Variants in BICC1 observed in about 807,000 individuals in gnomAD.
The protein encoded by BICC1 is BicC family RNA binding protein 1.
A neutral mutation model predicts 111.0 loss-of-function variants in BICC1; 43 were observed. That is an observed-to-expected ratio of 0.39 (90% CI 0.30 to 0.50). BICC1 has a LOEUF of 0.50. BICC1 is among the 20% of genes least tolerant of loss of function. BICC1 has a pLI of 0.88. For missense variants in BICC1, 1,091 were observed against 1,203.2 expected (o/e 0.91, Z 1.38); for synonymous variants, 467 against 434.4 (o/e 1.07, Z -0.93).
intron 1 of BICC1, among the ~76,000 whole-genome samples, chr10:58,573,000 T>C (rs888800023): frequency 2.6e-5 from 4 of 152,140 alleles, no homozygotes; most frequent in Non-Finnish European, 5.9e-5. Flanking sequence ...AAAGCCAAAG[T>C]AGATAATTCA....
rs115089520 is a variant in BICC1 at position 58,809,308 on chromosome 10, A to G, written c.2376+2150A>G. On this transcript the variant is annotated intron_variant, in intron 17 of 20. Transcript: ENST00000373886. ...GCCTCGGTGTCCCAGTGTTGGGATT[A>G]CAGGTGTGAGGTTCTTTTAAGTTTT... is the stretch of plus-strand genomic sequence containing the variant. 6.2e-3 allele frequency among the ~76,000 whole-genome samples: 936 copies of G among 152,134 alleles called. 9 individuals are homozygous for G. Among genetic ancestry groups the G allele is most frequent in the African/African-American group, 0.019 (782 of 41,484 alleles).
intron 1 of BICC1, among the ~76,000 whole-genome samples, chr10:58,591,268 G>C (rs932407599): frequency 6.6e-6 from 1 of 152,068 alleles, no homozygotes; most frequent in Non-Finnish European, 1.5e-5. Flanking sequence ...CACTTTCTTT[G>C]GTCAAGACGG....
Position 58,820,604 on chromosome 10 carries a change from T to A in BICC1, c.2794+136T>A, listed in dbSNP as rs551611410. 2.3e-3 allele frequency: 1,391 copies of A among 615,986 alleles called. 35 individuals are homozygous for A. In the South Asian group the frequency reaches 0.024, roughly 11 times the overall value. 38.2% of individuals were successfully genotyped at this position (615,986 alleles called of 1,614,324 possible). ...TGGTTGTGGTTTCAGAGGGTTTTCC[T>A]GTCAACAGTGTGACAGATCCTGAGA... On this transcript the variant is annotated intron_variant, in intron 20 of 20. Coordinates refer to ENST00000373886, the MANE Select transcript of BICC1 (RefSeq NM_001080512.3).
chr10:58,580,185 G>A (rs1244928930), intron 1 of BICC1, among the ~76,000 whole-genome samples: 5 of 151,822 alleles, frequency 3.3e-5, no homozygotes, highest in African/African-American at 4.8e-5. Flanking sequence ...CATCACACCC[G>A]GCTAATTTTT....
intron 1 of BICC1, among the ~76,000 whole-genome samples, chr10:58,608,018 A>G (rs2132095892): frequency 6.6e-6 from 1 of 152,144 alleles, no homozygotes; most frequent in East Asian, 1.9e-4. Context: ...TAGTGTAGAT[A>G]TGTACTATTT....
chr10:58,674,540 C>A (rs1226247087), intron 2 of BICC1, among the ~76,000 whole-genome samples: 1 of 152,162 alleles, frequency 6.6e-6, no homozygotes, highest in Non-Finnish European at 1.5e-5. Context: ...TTCTAGACAT[C>A]TGAGTCAGGC....
chr10:58,798,446 A>C lies in BICC1; in HGVS notation c.1414A>C (p.Asn472His), dbSNP rs145626204. The C allele has an allele frequency of 3.7e-6, 6 of 1,612,500 alleles. No individual in the cohort carries two copies. Among genetic ancestry groups the C allele is most frequent in the Non-Finnish European group, 5.1e-6 (6 of 1,179,314 alleles). ...TLSLNTSTTP[N>H]SLLNALNSSV... is the part of the protein sequence containing the mutation. ...ATCTCTGAACACTTCAACAACCCCA[A>C]ACTCACTCTTGAATGCTCTTAATAG... The change falls in exon 11 of 21, where the codon AAC (asparagine) becomes CAC (histidine). Residue 472 changes from asparagine (N) to histidine (H), a missense_variant. This residue lies in a region of BICC1 where 843 missense variants were observed against 900.8 expected (regional missense o/e 0.94). Transcript: ENST00000373886.
At chr10:58,644,752 C>T (rs1564528422) in intron 2 of BICC1, among the ~76,000 whole-genome samples, 1 of 152,106 alleles carries the variant, frequency 6.6e-6, no homozygotes, top group African/African-American at 2.4e-5. Context: ...AAAAAAATAA[C>T]CTTTCATGTA....
chr10:58,650,100 G>C (rs1254379308), intron 2 of BICC1: 2 of 152,028 alleles, frequency 1.3e-5, no homozygotes, highest in Admixed American at 6.6e-5. Flanking sequence ...TTACATTAAC[G>C]ATGCTAGTCA....
Position 58,793,617 on chromosome 10 carries a change from T to C in BICC1, c.1179+2T>C. 1 of 1,613,660 alleles carries C rather than the reference T, an allele frequency of 6.2e-7. No homozygotes were observed. Among genetic ancestry groups the C allele is most frequent in the Non-Finnish European group, 8.5e-7 (1 of 1,179,838 alleles). On this transcript the variant is annotated splice_donor_variant, in intron 9 of 20. Transcript: ENST00000373886. LOFTEE classifies it high-confidence loss of function. ...CCAAAGCCCAAACAGCCAAGCAAGGTTGGTTCAGAGTCTGAATCCAGAGAA... is the reference window on the plus strand; with the variant it reads ...CCAAAGCCCAAACAGCCAAGCAAGGCTGGTTCAGAGTCTGAATCCAGAGAA...
At chr10:58,559,573 T>G (rs1475585511) in intron 1 of BICC1, among the ~76,000 whole-genome samples, 1 of 152,150 alleles carries the variant, frequency 6.6e-6, no homozygotes, top group African/African-American at 2.4e-5. Context: ...GTTTCCAGTT[T>G]GGATGCTCTT....
intron 3 of BICC1, among the ~76,000 whole-genome samples, chr10:58,727,076 T>C (rs1841130084): frequency 6.6e-6 from 1 of 152,190 alleles, no homozygotes; most frequent in Non-Finnish European, 1.5e-5. Context: ...TGTAACTTTG[T>C]CTCACTAATG....
At chr10:58,805,223 G>T (rs1189037963) in intron 15 of BICC1, among the ~76,000 whole-genome samples, 5 of 152,094 alleles carry the variant, frequency 3.3e-5, no homozygotes, top group Non-Finnish European at 7.3e-5. Flanking sequence ...AACCCAAGAG[G>T]TGGAGGTTGC....
intron 1 of BICC1, among the ~76,000 whole-genome samples, chr10:58,611,375 A>G (rs1232743410): frequency 6.6e-6 from 1 of 152,122 alleles, no homozygotes; most frequent in Non-Finnish European, 1.5e-5. Context: ...CTATGTATCC[A>G]TATATCTAAA....
chr10:58,785,659 C>T (rs1842990345), intron 4 of BICC1, among the ~76,000 whole-genome samples: 1 of 152,146 alleles, frequency 6.6e-6, no homozygotes, highest in Non-Finnish European at 1.5e-5. Flanking sequence ...TTTTCTTTAA[C>T]AAACACATCT....
At chr10:58,548,700 T>C (rs920617662) in intron 1 of BICC1, among the ~76,000 whole-genome samples, 1 of 152,212 alleles carries the variant, frequency 6.6e-6, no homozygotes, top group African/African-American at 2.4e-5. Flanking sequence ...TTTGCCTTTT[T>C]CAGAATGTCA....
chr10:58,725,703 C>T (rs1447254668), intron 3 of BICC1, among the ~76,000 whole-genome samples: 2 of 152,190 alleles, frequency 1.3e-5, no homozygotes, highest in Admixed American at 1.3e-4. Flanking sequence ...GGATCCTCAT[C>T]TCATCCAAGA....
At chr10:58,549,455 G>A (rs1649063) in intron 1 of BICC1, among the ~76,000 whole-genome samples, 69,921 of 151,920 alleles carry the variant, frequency 0.46, 17,153 homozygotes, top group Admixed American at 0.62. Flanking sequence ...CCTAGTCAAC[G>A]TTTGGTATTG....
chr10:58,788,405 T>C lies in BICC1; in HGVS notation c.582T>C (p.Ser194=). The C allele has an allele frequency of 6.2e-7, 1 of 1,611,416 alleles. No homozygotes were observed. The highest frequency in any genetic ancestry group is 1.1e-5 in the South Asian group (1 of 90,942). ...CGGGACAACCAGCAGGAGTAGAATC[T>C]GCCCGAGTTAGAATTCGGGTAACTA... ...SIAGQPAGVE[S]ARVRIRELLP... is the part of the protein sequence containing the mutation. The change falls in exon 6 of 21, where the codon TCT becomes TCC. Residue 194 remains serine (S), a synonymous_variant. Coordinates refer to ENST00000373886, the MANE Select transcript of BICC1 (RefSeq NM_001080512.3).
Sources: gnomAD v4.1 joint callset for allele counts (sites outside exome capture counted in the v4.1 genomes callset) on GRCh38, gnomAD v4.1.1 for gene constraint, gnomAD v4.1.1 regional missense constraint, MANE v1.5 for transcripts, NCBI Gene and HGNC (gene_info 2026-07-23, HGNC 2026-07-21) for gene names.